The following BLNK variants were observed in gnomAD, a reference collection of about 807,000 sequenced individuals.
The protein encoded by BLNK is B cell linker, also known as B-cell linker protein.
A neutral mutation model predicts 73.5 loss-of-function variants in BLNK; 29 were observed. The ratio of observed to expected loss-of-function variants is 0.39; its 90% CI spans 0.29 to 0.54. The LOEUF is 0.54. Ranked by LOEUF, BLNK falls within the 20% of genes least tolerant of loss-of-function variation. The pLI is 0.61. For synonymous variants in BLNK, 176 were observed against 200.8 expected (o/e 0.88, Z 1.04); for missense variants, 460 against 562.8 (o/e 0.82, Z 1.85).
chr10:96,212,324 A>G (rs1554898822), intron 8 of BLNK, among the ~76,000 whole-genome samples: 1 of 151,288 alleles, frequency 6.6e-6, no homozygotes, highest in South Asian at 2.1e-4. Context: ...AGGCAGGTTG[A>G]ACAAGGGATT....
At chr10:96,270,779 A>G (rs1844237749) in intron 1 of BLNK, among the ~76,000 whole-genome samples, 2 of 152,166 alleles carry the variant, frequency 1.3e-5, no homozygotes, top group African/African-American at 2.4e-5. Context: ...ACTCACGCCC[A>G]TGGGGCCGCT....
chr10:96,197,806 C>T (rs2083510012), intron 15 of BLNK, among the ~76,000 whole-genome samples: 1 of 151,548 alleles, frequency 6.6e-6, no homozygotes, highest in African/African-American at 2.4e-5. Flanking sequence ...GTCCCAGCTA[C>T]TCGGGAGGCT....
chr10:96,233,568 C>T (rs146542089), intron 3 of BLNK, among the ~76,000 whole-genome samples: 1 of 152,192 alleles, frequency 6.6e-6, no homozygotes, highest in Non-Finnish European at 1.5e-5. Context: ...TTCCTCCTCC[C>T]GTTGTGCACT....
At chr10:96,268,359 G>T (rs782669705) in intron 1 of BLNK, among the ~76,000 whole-genome samples, 1 of 152,112 alleles carries the variant, frequency 6.6e-6, no homozygotes, top group Non-Finnish European at 1.5e-5. Flanking sequence ...GTTTACTGTG[G>T]AACGATTGAA....
intron 3 of BLNK, among the ~76,000 whole-genome samples, chr10:96,232,346 C>G (rs1842531850): frequency 6.8e-6 from 1 of 146,480 alleles, no homozygotes; most frequent in African/African-American, 2.5e-5. Context: ...ACAGAGGACC[C>G]AGTGGATGTT....
At chr10:96,264,283 G>A (rs1477336854) in intron 1 of BLNK, among the ~76,000 whole-genome samples, 1 of 152,084 alleles carries the variant, frequency 6.6e-6, no homozygotes, top group African/African-American at 2.4e-5. Flanking sequence ...GTGTCCAATG[G>A]GAGGCAGTAG....
rs114056817 is a variant in BLNK, at chr10:96,233,293, A to G, written c.164-2459T>C. ...GTGGGGGCCTATTTTATGATCAGTC[A>G]CTGGTGAAAGTAGTGCATTAGCCAT... On this transcript the variant is annotated intron_variant, in intron 3 of 16. Transcript: ENST00000224337. Among the ~76,000 whole-genome samples, 1,435 of 152,300 alleles carry G rather than the reference A, an allele frequency of 9.4e-3. 22 individuals are homozygous for G. The highest frequency in any genetic ancestry group is 0.032 in the African/African-American group (1,343 of 41,562).
At chr10:96,197,195 T>G in intron 15 of BLNK, 132 bp from the exon 16 acceptor site, 1 of 668,956 alleles carries the variant, frequency 1.5e-6, no homozygotes, top group Non-Finnish European at 2.4e-6. Context: ...TTATTTTTAT[T>G]ATTGATTAGC....
At chr10:96,218,161 A>G (rs1554900253) in intron 6 of BLNK, among the ~76,000 whole-genome samples, 3 of 152,232 alleles carry the variant, frequency 2.0e-5, no homozygotes, top group African/African-American at 7.2e-5. Context: ...AAATGAGGTA[A>G]CCAGATCTCA....
intron 16 of BLNK, among the ~76,000 whole-genome samples, chr10:96,195,028 C>G (rs886646024): frequency 3.3e-5 from 5 of 151,976 alleles, no homozygotes; most frequent in African/African-American, 1.2e-4. Flanking sequence ...CTCGGCCTCC[C>G]AAAGTGCTGG....
At chr10:96,221,145 A>T (rs1277662647) in intron 6 of BLNK, among the ~76,000 whole-genome samples, 1 of 152,152 alleles carries the variant, frequency 6.6e-6, no homozygotes, top group African/African-American at 2.4e-5. Context: ...TTGTTTCCTC[A>T]TCTGTAAAGT....
chr10:96,240,681 G>A (rs1842856124), intron 3 of BLNK, among the ~76,000 whole-genome samples: 1 of 152,170 alleles, frequency 6.6e-6, no homozygotes, highest in Admixed American at 6.5e-5. Context: ...TAGACCATGG[G>A]AAACCATCAC....
At chr10:96,262,947 G>GTC (rs1388415227) in intron 1 of BLNK, among the ~76,000 whole-genome samples, 1 of 152,234 alleles carries the variant, frequency 6.6e-6, no homozygotes, top group African/African-American at 2.4e-5. Context: ...AGCTTGAACA[G>GTC]GTGACCTGGC....
At position 96,204,513 on chromosome 10, in the gene BLNK, T is replaced by C. The variant is rs2133965457; in HGVS notation, c.902+19A>G. On this transcript the variant is annotated intron_variant, in intron 12 of 16. Transcript: ENST00000224337. ...GCAGCAACAAGAGGAAACTGATCTT[T>C]AAAGGAAAGGATTCTTACTTCTGGG... 3.7e-6 allele frequency: 6 copies of C among 1,612,386 alleles called. No individual in the cohort carries two copies. Among genetic ancestry groups the C allele is most frequent in the East Asian group, 2.2e-5 (1 of 44,884 alleles).
intron 15 of BLNK, among the ~76,000 whole-genome samples, chr10:96,199,742 G>A (rs971133067): frequency 5.9e-5 from 9 of 152,186 alleles, no homozygotes; most frequent in Admixed American, 3.3e-4. Context: ...GACCTTGGCC[G>A]GGCGCGGTGG....
chr10:96,204,975 G>A, intron 11 of BLNK: 1 of 162,062 alleles, frequency 6.2e-6, no homozygotes, highest in Non-Finnish European at 1.4e-5. Context: ...CCCTCTACTT[G>A]CCATGTGGCC....
chr10:96,197,204 G>A, intron 15 of BLNK, 141 bp from the exon 16 acceptor site: 1 of 634,146 alleles, frequency 1.6e-6, no homozygotes, highest in Non-Finnish European at 2.6e-6. Flanking sequence ...TTATTGATTA[G>A]CGCTTGTCTT....
intron 1 of BLNK, among the ~76,000 whole-genome samples, chr10:96,270,961 G>A (rs1252754189): frequency 3.3e-5 from 5 of 152,162 alleles, no homozygotes; most frequent in African/African-American, 1.2e-4. Context: ...AAATTAAATA[G>A]TAACCTGCAA....
intron 1 of BLNK, among the ~76,000 whole-genome samples, chr10:96,260,330 T>C (rs945762659): frequency 6.6e-6 from 1 of 152,196 alleles, no homozygotes; most frequent in Admixed American, 6.5e-5. Context: ...GCACCGTGCA[T>C]GTGTTCACTG....
Sources: gnomAD v4.1 joint callset for allele counts (sites outside exome capture counted in the v4.1 genomes callset) on GRCh38, gnomAD v4.1.1 for gene constraint, MANE v1.5 for transcripts, NCBI Gene and HGNC (gene_info 2026-07-23, HGNC 2026-07-21) for gene names.